Variants in PDS5B observed in about 807,000 individuals in gnomAD.
PDS5B encodes sister chromatid cohesion protein PDS5 homolog B.
Under a neutral mutation model 184.1 loss-of-function variants are expected in PDS5B, and 51 were observed. The ratio of observed to expected loss-of-function variants is 0.28; its 90% CI spans 0.22 to 0.35. The LOEUF is 0.35. PDS5B is among the 10% of genes least tolerant of loss of function. PDS5B has a pLI of 1.00. For synonymous variants in PDS5B, 566 were observed against 569.2 expected, an observed-to-expected ratio of 0.99 and a Z score of 0.08; for missense variants, 1,180 against 1,723.3, an observed-to-expected ratio of 0.68 and a Z score of 5.58.
intron 25 of PDS5B, among the ~76,000 whole-genome samples, chr13:32,755,372 C>T (rs553133790): frequency 1.8e-4 from 27 of 152,170 alleles, no homozygotes; most frequent in Non-Finnish European, 1.0e-4. Context: ...TTTTCTGTTA[C>T]AATTAGTATC....
At chr13:32,643,551 G>A (rs568727902) in intron 1 of PDS5B, among the ~76,000 whole-genome samples, 1 of 151,956 alleles carries the variant, frequency 6.6e-6, no homozygotes, top group South Asian at 2.1e-4. Flanking sequence ...CAACTTTTCT[G>A]TCAGTGATGG....
chr13:32,661,978 G>A (rs1391996277), intron 6 of PDS5B, among the ~76,000 whole-genome samples: 2 of 152,056 alleles, frequency 1.3e-5, no homozygotes, highest in Non-Finnish European at 2.9e-5. Flanking sequence ...AAAATTTTAA[G>A]GATTATAATA....
Position 32,619,775 on chromosome 13 carries a change from A to G in PDS5B, c.-19-28979A>G, listed in dbSNP as rs182387062. On this transcript the variant is annotated intron_variant, in intron 1 of 34. Transcript: ENST00000315596. ...CCCAAAATGTAATAATTTTCTCCAC[A>G]TAGGTCTGAGACATCTTTGGTTAAA... Among the ~76,000 whole-genome samples, 14 of 152,298 alleles carry G rather than the reference A, an allele frequency of 9.2e-5. No individual in the cohort carries two copies. The East Asian group carries it at 2.1e-3, about 23-fold the overall frequency.
chr13:32,764,041 A>G (rs1310756052), intron 30 of PDS5B, among the ~76,000 whole-genome samples: 2 of 123,790 alleles, frequency 1.6e-5, no homozygotes, highest in Admixed American at 8.7e-5. Flanking sequence ...GATTGACACA[A>G]GATTCATGCT....
chr13:32,598,869 C>T (rs538152561), intron 1 of PDS5B, among the ~76,000 whole-genome samples: 1 of 148,650 alleles, frequency 6.7e-6, no homozygotes, highest in East Asian at 2.0e-4. Flanking sequence ...CTCCTGGGTT[C>T]ACGCCATTCT....
At chr13:32,614,177 C>T (rs963112346) in intron 1 of PDS5B, among the ~76,000 whole-genome samples, 1 of 152,054 alleles carries the variant, frequency 6.6e-6, no homozygotes. Context: ...CTCCAACTTT[C>T]AATTTTTTCT....
chr13:32,658,617 G>T (rs1055151564), intron 5 of PDS5B, 86 bp downstream of exon 5: 7 of 639,822 alleles, frequency 1.1e-5, no homozygotes, highest in Non-Finnish European at 1.9e-5. Flanking sequence ...CTGTTACAAT[G>T]AATATTAGAA....
chr13:32,688,611 A>G, intron 13 of PDS5B, 42 bp downstream of exon 13: 3 of 1,140,290 alleles, frequency 2.6e-6, no homozygotes, highest in Non-Finnish European at 4.0e-6. Context: ...CATCCTTTGC[A>G]ATATATTGGA....
At chr13:32,597,605 G>GGGC (rs2057898355) in intron 1 of PDS5B, among the ~76,000 whole-genome samples, 1 of 151,836 alleles carries the variant, frequency 6.6e-6, no homozygotes, top group Admixed American at 6.6e-5. Flanking sequence ...GCCGAGGGGG[G>GGGC]GGCGGCAGGG....
At chr13:32,752,755 G>A (rs1259171254) in intron 24 of PDS5B, among the ~76,000 whole-genome samples, 1 of 152,122 alleles carries the variant, frequency 6.6e-6, no homozygotes, top group Non-Finnish European at 1.5e-5. Context: ...AATCAGCCTG[G>A]TTTAAGTATA....
chr13:32,741,240 T>C (rs1593574540), intron 22 of PDS5B, 92 bp downstream of exon 22: 3 of 708,122 alleles, frequency 4.2e-6, no homozygotes, highest in Non-Finnish European at 7.3e-6. Flanking sequence ...TGGAAAGATA[T>C]TAAAGTCACT....
intron 1 of PDS5B, among the ~76,000 whole-genome samples, chr13:32,639,530 A>T (rs2058621432): frequency 6.6e-6 from 1 of 152,254 alleles, no homozygotes; most frequent in South Asian, 2.1e-4. Flanking sequence ...GTTGGAAAAT[A>T]TGTAAACAGG....
intron 19 of PDS5B, among the ~76,000 whole-genome samples, chr13:32,711,331 T>C (rs1002476726): frequency 6.6e-6 from 1 of 151,786 alleles, no homozygotes; most frequent in Non-Finnish European, 1.5e-5. Flanking sequence ...TAAAATTTTA[T>C]AACAGTCTCT....
At chr13:32,763,075 T>G (rs12857335) in intron 30 of PDS5B, among the ~76,000 whole-genome samples, 4,734 of 152,298 alleles carry the variant, frequency 0.031, 106 homozygotes, top group Middle Eastern at 0.065. Context: ...AAATTCCGTC[T>G]GTTTAGTGGG....
chr13:32,740,462 T>C (rs1953498810), intron 21 of PDS5B, among the ~76,000 whole-genome samples: 1 of 152,220 alleles, frequency 6.6e-6, no homozygotes, highest in African/African-American at 2.4e-5. Context: ...CTACCTGTTT[T>C]GTTACCAGAG....
At chr13:32,691,310 T>A (rs776746193) in intron 13 of PDS5B, 5 of 152,096 alleles carry the variant, frequency 3.3e-5, no homozygotes, top group Non-Finnish European at 7.4e-5. Flanking sequence ...CAAGATTCAG[T>A]CATAATATTA....
intron 10 of PDS5B, among the ~76,000 whole-genome samples, 174 bp from the exon 11 acceptor site, chr13:32,683,704 T>C (rs1951311664): frequency 6.6e-6 from 1 of 152,242 alleles, no homozygotes; most frequent in Admixed American, 6.5e-5. Flanking sequence ...AGGCTCTTTT[T>C]TGACTGAAGA....
intron 16 of PDS5B, 59 bp downstream of exon 16, chr13:32,699,928 C>T (rs1593457464): frequency 2.1e-6 from 3 of 1,449,394 alleles, no homozygotes; most frequent in South Asian, 1.5e-5. Context: ...TATTGTTTCT[C>T]TCTTTTATAA....
intron 1 of PDS5B, among the ~76,000 whole-genome samples, chr13:32,643,790 G>A (rs1593319816): frequency 6.6e-6 from 1 of 152,106 alleles, no homozygotes; most frequent in South Asian, 2.1e-4. Context: ...TAAGTACACT[G>A]TATGATGTTT....
Sources: allele counts gnomAD v4.1 joint callset (sites outside exome capture counted in the v4.1 genomes callset), GRCh38; gene constraint gnomAD v4.1.1; transcripts MANE v1.5; gene names NCBI Gene and HGNC (gene_info 2026-07-23, HGNC 2026-07-21).